Variants in MED13L observed in about 807,000 individuals in gnomAD.
MED13L encodes the protein mediator complex subunit 13L, also known as mediator of RNA polymerase II transcription subunit 13-like.
Under a neutral mutation model 220.9 loss-of-function variants are expected in MED13L, and 7 were observed. The observed-to-expected ratio is 0.03, with a 90% CI of 0.02 to 0.06. The LOEUF (loss-of-function observed/expected upper bound fraction) is 0.06, where lower values mean the gene tolerates loss of function less well. MED13L is among the 10% of genes least tolerant of loss of function. The pLI is 1.00. For missense variants in MED13L, 1,965 were observed against 2,760.5 expected (o/e 0.71, Z 6.46); for synonymous variants, 1,011 against 1,015.2 (o/e 1.00, Z 0.08).
At chr12:116,007,240 AAAAGGAAC>A in intron 11 of MED13L, 163 bp downstream of exon 11, 1 of 680,902 alleles carries the variant, frequency 1.5e-6, no homozygotes, top group Non-Finnish European at 2.6e-6. Context: ...CCATGACATA[AAAAGGAAC>A]AATACGCTGT....
intron 2 of MED13L, chr12:116,169,126 G>A (rs1332708123): frequency 6.5e-6 from 1 of 153,030 alleles, no homozygotes; most frequent in Non-Finnish European, 1.5e-5. Flanking sequence ...TATGTCCAAG[G>A]AATATTGTGA....
intron 3 of MED13L, among the ~76,000 whole-genome samples, chr12:116,107,199 G>C (rs1873663801): frequency 6.6e-6 from 1 of 152,152 alleles, no homozygotes. Flanking sequence ...CCCCCAAAAA[G>C]AGACATAAAA....
rs1415664430 is a variant in MED13L, at chr12:116,097,370, T to A, written c.396-618A>T. Among the ~76,000 whole-genome samples, 3 of 152,304 alleles carry A rather than the reference T, an allele frequency of 2.0e-5. No homozygotes were observed. In the South Asian group the frequency reaches 6.2e-4, roughly 32 times the overall value. On this transcript the variant is annotated intron_variant, in intron 3 of 30. Transcript: ENST00000281928. Reference sequence around the variant, plus strand: ...CATGTTGGCCAGGCTGATCTCGAATTCCTGGCCTCAAGTGATCCACCCGCC... The same window carrying A: ...CATGTTGGCCAGGCTGATCTCGAATACCTGGCCTCAAGTGATCCACCCGCC...
chr12:116,188,808 A>C (rs1881072466), intron 2 of MED13L, among the ~76,000 whole-genome samples: 1 of 152,176 alleles, frequency 6.6e-6, no homozygotes, highest in Non-Finnish European at 1.5e-5. Flanking sequence ...ACGTTACATA[A>C]ATGGAATCAT....
At chr12:116,069,453 T>C (rs1008604802) in intron 4 of MED13L, among the ~76,000 whole-genome samples, 1 of 152,220 alleles carries the variant, frequency 6.6e-6, no homozygotes, top group Non-Finnish European at 1.5e-5. Flanking sequence ...TCCTTTGCAT[T>C]TCTTTTAAGT....
chr12:116,252,161 T>C (rs1871620317), intron 1 of MED13L, among the ~76,000 whole-genome samples: 1 of 152,038 alleles, frequency 6.6e-6, no homozygotes, highest in Admixed American at 6.6e-5. Context: ...ATAAAAAACA[T>C]GAACACTATC....
rs571558919 is a variant in MED13L at position 115,991,700 on chromosome 12, G to A, written c.3254C>T (p.Thr1085Ile). ...DSTDQGSPAS[T>I]PSTTRPLNSV... ...GTTGAGGGGCCGTGTAGTAGAGGGG[G>A]TGGAGGCTGGTGATCCTTGATCGGT... Residue 1085 changes from threonine (T) to isoleucine (I), a missense_variant, in exon 17 of 31, where the codon ACC (threonine) becomes ATC (isoleucine). Physicochemically the swap from Thr to Ile is moderately conservative, Grantham distance 89 (BLOSUM62 -1). Transcript: ENST00000281928. The surrounding 1 kb of genome is among the most constrained non-coding windows in gnomAD (Gnocchi z 7.7). The A allele has an allele frequency of 5.0e-6, 8 of 1,613,978 alleles. No individual in the cohort carries two copies. In the East Asian group the frequency reaches 1.3e-4, roughly 27 times the overall value.
At chr12:116,237,996 T>A (rs577386780) in intron 1 of MED13L, among the ~76,000 whole-genome samples, 1 of 152,192 alleles carries the variant, frequency 6.6e-6, no homozygotes, top group East Asian at 1.9e-4. Flanking sequence ...TACTATAAAG[T>A]CTCTATGCAG....
chr12:116,130,672 C>T (rs779700108), intron 2 of MED13L, among the ~76,000 whole-genome samples: 3 of 151,772 alleles, frequency 2.0e-5, no homozygotes, highest in Non-Finnish European at 4.4e-5. Flanking sequence ...TATCTGCCAA[C>T]TTCCTGTGAT....
At chr12:116,117,033 T>C (rs1040065025) in intron 2 of MED13L, among the ~76,000 whole-genome samples, 3 of 151,654 alleles carry the variant, frequency 2.0e-5, no homozygotes, top group African/African-American at 7.3e-5. Context: ...TATTTGTAAA[T>C]GCCAAAAACT....
rs904701862 is a variant in MED13L, at chr12:116,277,678, T to C, written c.-547A>G. Among the ~76,000 whole-genome samples, 4 of 149,206 alleles carry C rather than the reference T, an allele frequency of 2.7e-5. No individual in the cohort carries two copies. The highest frequency in any genetic ancestry group is 9.7e-5 in the African/African-American group (4 of 41,078). ...GCTTCTCCTCCCTCCCCGGGCTCGC[T>C]TGCTCTGACAGCAATGGCGGCCGCC... On this transcript the variant is annotated 5_prime_UTR_variant, in exon 1 of 31. Coordinates refer to ENST00000281928, the MANE Select transcript of MED13L (RefSeq NM_015335.5).
chr12:116,158,892 G>C (rs781385375), intron 2 of MED13L, among the ~76,000 whole-genome samples: 6 of 152,166 alleles, frequency 3.9e-5, no homozygotes, highest in Non-Finnish European at 8.8e-5. Flanking sequence ...CACGTGACTA[G>C]TGAGCAGTTC....
At chr12:115,968,877 C>T (rs1876382292) in intron 28 of MED13L, 63 bp downstream of exon 28, 1 of 1,579,236 alleles carries the variant, frequency 6.3e-7, no homozygotes, top group Admixed American at 1.7e-5. Context: ...GATCAGATGT[C>T]CAGTGGATTA....
intron 1 of MED13L, among the ~76,000 whole-genome samples, chr12:116,254,192 C>T (rs1393696010): frequency 6.6e-6 from 1 of 152,090 alleles, no homozygotes; most frequent in Non-Finnish European, 1.5e-5. Context: ...TAAGGATGTA[C>T]ACTCTTACTA....
chr12:115,996,383 C>T (rs750282112), intron 16 of MED13L, 93 bp downstream of exon 16: 40 of 1,436,456 alleles, frequency 2.8e-5, no homozygotes, highest in Non-Finnish European at 3.7e-5. Context: ...TGAGCCACCG[C>T]GCCCGGACCT....
chr12:116,104,466 C>G (rs757090820), intron 3 of MED13L, among the ~76,000 whole-genome samples: 8 of 152,164 alleles, frequency 5.3e-5, no homozygotes, highest in Non-Finnish European at 1.2e-4. Context: ...AGTAAAATAT[C>G]TTAACTCTAA....
intron 1 of MED13L, among the ~76,000 whole-genome samples, chr12:116,275,160 A>C (rs192220542): frequency 1.4e-4 from 22 of 152,256 alleles, no homozygotes; most frequent in Middle Eastern, 6.8e-3. Context: ...GTAAGTGTCA[A>C]TGTGGTCACC....
At chr12:116,276,469 C>T (rs1462406487) in intron 1 of MED13L, 1 of 1,288,832 alleles carries the variant, frequency 7.8e-7, no homozygotes, top group Admixed American at 2.3e-5. Flanking sequence ...GGCTCTCCAG[C>T]ATAGTAAGCC....
chr12:116,041,287 A>G (rs893844511), intron 4 of MED13L, among the ~76,000 whole-genome samples: 2 of 152,128 alleles, frequency 1.3e-5, no homozygotes, highest in South Asian at 2.1e-4. Context: ...TTTGCAGTGG[A>G]AAGATGTGCC....
Sources: allele counts gnomAD v4.1 joint callset (sites outside exome capture counted in the v4.1 genomes callset), GRCh38; gene constraint gnomAD v4.1.1; non-coding constraint Gnocchi (gnomAD v3.1); transcripts MANE v1.5; gene names NCBI Gene and HGNC (gene_info 2026-07-23, HGNC 2026-07-21).